The following TFEC variants were observed in gnomAD, a reference collection of about 807,000 sequenced individuals.
The protein encoded by TFEC is class E basic helix-loop-helix protein 34.
In TFEC, 31 loss-of-function variants were observed where a neutral mutation model predicts 41.6. The observed-to-expected ratio is 0.74, with a 90% confidence interval of 0.56 to 1.01. The LOEUF (loss-of-function observed/expected upper bound fraction) is 1.01. TFEC is among the 50% of genes least tolerant of loss of function. The pLI is 0.00. For synonymous variants in TFEC, 143 were observed against 140.6 expected (o/e 1.02, Z -0.12); for missense variants, 402 against 404.1 (o/e 0.99, Z 0.04).
chr7:116,086,579 C>T (rs888939821), intron 3 of TFEC, among the ~76,000 whole-genome samples: 4 of 151,446 alleles, frequency 2.6e-5, no homozygotes, highest in African/African-American at 9.7e-5. Context: ...AGTACCCCCC[C>T]ACTGTTTTCC....
At chr7:115,950,980 T>C in intron 5 of TFEC, 31 bp from the exon 6 acceptor site, 1 of 1,400,226 alleles carries the variant, frequency 7.1e-7, no homozygotes, top group South Asian at 1.2e-5. Context: ...TTGATTATTC[T>C]CATTAATGCA....
chr7:115,955,745 C>T (rs779982708), intron 4 of TFEC, among the ~76,000 whole-genome samples: 17 of 151,820 alleles, frequency 1.1e-4, no homozygotes, highest in Admixed American at 6.6e-4. Context: ...AAAAATAATA[C>T]AATATTATTA....
chr7:116,026,764 G>C (rs966534549), intron 1 of TFEC, among the ~76,000 whole-genome samples: 2 of 152,182 alleles, frequency 1.3e-5, no homozygotes, highest in African/African-American at 4.8e-5. Context: ...ACAAAGTAAA[G>C]AAGGTTGAAT....
chr7:116,098,919 GAA>G (rs1373893993), intron 3 of TFEC, among the ~76,000 whole-genome samples: 1 of 145,704 alleles, frequency 6.9e-6, no homozygotes, highest in Non-Finnish European at 1.5e-5. Context: ...AGGAAGGAAG[GAA>G]GGAAAAGAAA....
chr7:116,101,053 G>A (rs1350169844), intron 3 of TFEC, among the ~76,000 whole-genome samples: 2 of 152,008 alleles, frequency 1.3e-5, no homozygotes, highest in Non-Finnish European at 2.9e-5. Flanking sequence ...TGAGTTGCAG[G>A]AGGCTCCAAT....
chr7:115,970,706 G>A (rs1793094558), intron 3 of TFEC, among the ~76,000 whole-genome samples: 1 of 151,868 alleles, frequency 6.6e-6, no homozygotes, highest in African/African-American at 2.4e-5. Context: ...AATGAACTAG[G>A]ACAATTATTC....
intron 3 of TFEC, among the ~76,000 whole-genome samples, chr7:116,098,034 T>C (rs1562968404): frequency 1.3e-5 from 2 of 152,148 alleles, no homozygotes; most frequent in Admixed American, 1.3e-4. Context: ...TCTAAACATA[T>C]CAATCAAAAG....
intron 3 of TFEC, among the ~76,000 whole-genome samples, chr7:115,973,296 GC>G (rs756378187): frequency 5.3e-5 from 8 of 151,556 alleles, no homozygotes; most frequent in Non-Finnish European, 1.2e-4. Context: ...TTTTTTCTAG[GC>G]CCTAAATTGA....
chr7:116,010,703 C>T (rs1183061740), intron 1 of TFEC, among the ~76,000 whole-genome samples: 2 of 152,100 alleles, frequency 1.3e-5, no homozygotes, highest in African/African-American at 4.8e-5. Flanking sequence ...TGATGGATTC[C>T]TAACTTCTAA....
chr7:116,026,861 G>A (rs1460290545), intron 1 of TFEC, among the ~76,000 whole-genome samples: 1 of 152,172 alleles, frequency 6.6e-6, no homozygotes, highest in Non-Finnish European at 1.5e-5. Context: ...TTGCACATGT[G>A]AAGGACAATC....
intron 1 of TFEC, among the ~76,000 whole-genome samples, chr7:116,028,346 G>C (rs915995028): frequency 6.6e-6 from 1 of 152,084 alleles, no homozygotes; most frequent in African/African-American, 2.4e-5. Context: ...TCTCTAATTA[G>C]CTGGCATTCA....
At chr7:115,991,644 G>A (rs530451352) in intron 1 of TFEC, among the ~76,000 whole-genome samples, 172 of 152,280 alleles carry the variant, frequency 1.1e-3, no homozygotes, top group Non-Finnish European at 1.9e-3. Flanking sequence ...TTACATAATG[G>A]TAAAGGGATC....
At position 115,984,315 on chromosome 7, in the gene TFEC, G is replaced by A. The variant is rs144067523; in HGVS notation, c.127C>T (p.Pro43Ser). The A allele has an allele frequency of 7.2e-4, 1,160 of 1,613,940 alleles. No homozygotes were observed. The highest frequency in any genetic ancestry group is 9.2e-4 in the Non-Finnish European group (1,090 of 1,179,946). Residue 43 changes from proline (P) to serine (S), a missense_variant, in exon 2 of 8, where the codon CCA becomes TCA. Physicochemically the swap from Pro to Ser is moderately conservative, Grantham distance 74 (BLOSUM62 -1). Coordinates refer to ENST00000265440, the MANE Select transcript of TFEC (RefSeq NM_012252.4). ...CCAATAGCTAGTAACTTGGTGAGTG[G>A]GTTTTCTGTGAGGCCAGCATCACTG... ...LDSDAGLTEN[P>S]LTKLLAIGKE...
intron 1 of TFEC, among the ~76,000 whole-genome samples, chr7:116,154,367 A>G (rs570103619): frequency 2.0e-5 from 3 of 152,280 alleles, no homozygotes; most frequent in African/African-American, 7.2e-5. Flanking sequence ...ATCTCCTGGT[A>G]TATCACTGAG....
At chr7:116,063,982 A>G (rs1467944060) in intron 3 of TFEC, among the ~76,000 whole-genome samples, 1 of 152,180 alleles carries the variant, frequency 6.6e-6, no homozygotes, top group East Asian at 1.9e-4. Flanking sequence ...GCCAGGAACA[A>G]AAAGACAAAC....
At chr7:116,041,423 AT>A (rs1235978074) in intron 3 of TFEC, among the ~76,000 whole-genome samples, 1 of 152,182 alleles carries the variant, frequency 6.6e-6, no homozygotes, top group Non-Finnish European at 1.5e-5. Flanking sequence ...GTGCCAGGAG[AT>A]TTCACTTACA....
intron 1 of TFEC, among the ~76,000 whole-genome samples, chr7:116,028,753 C>T (rs2130882772): frequency 6.6e-6 from 1 of 152,258 alleles, no homozygotes; most frequent in Middle Eastern, 3.4e-3. Flanking sequence ...TAAGTGATTG[C>T]TTTTCCACTA....
chr7:116,016,877 A>G (rs1370912498), intron 1 of TFEC, among the ~76,000 whole-genome samples: 1 of 152,066 alleles, frequency 6.6e-6, no homozygotes, highest in African/African-American at 2.4e-5. Context: ...TTTAAAATTT[A>G]TATGTCCCAA....
At chr7:116,149,281 T>A (rs1022530359) in intron 1 of TFEC, among the ~76,000 whole-genome samples, 1 of 151,968 alleles carries the variant, frequency 6.6e-6, no homozygotes. Context: ...ATGTAGGGAA[T>A]GAGAGGGAAG....
Sources: gnomAD v4.1 joint callset for allele counts (sites outside exome capture counted in the v4.1 genomes callset) on GRCh38, gnomAD v4.1.1 for gene constraint, MANE v1.5 for transcripts, NCBI Gene and HGNC (gene_info 2026-07-23, HGNC 2026-07-21) for gene names.